ACP4: variants seen among roughly 807,000 people sequenced by gnomAD.
ACP4 encodes acid phosphatase 4, also known as testicular acid phosphatase.
A neutral mutation model predicts 47.3 loss-of-function variants in ACP4; 49 were observed. The observed-to-expected ratio is 1.04, with a 90% CI of 0.82 to 1.32. The LOEUF (loss-of-function observed/expected upper bound fraction) is 1.32, where lower values mean the gene tolerates loss of function less well. Ranked by LOEUF, ACP4 falls within the 40% of genes most tolerant of loss-of-function variation. The pLI is 0.00. For missense variants in ACP4, 594 were observed against 579.3 expected, an observed-to-expected ratio of 1.03 and a Z score of -0.26; for synonymous variants, 299 against 265.3, an observed-to-expected ratio of 1.13 and a Z score of -1.23.
Position 50,794,892 on chromosome 19 carries a change from C to T in ACP4, c.1093C>T (p.Leu365=), listed in dbSNP as rs759201067. Residue 365 remains leucine (L), a synonymous_variant, in exon 10 of 11, where the codon CTG becomes TTG. Coordinates refer to ENST00000270593, the MANE Select transcript of ACP4 (RefSeq NM_033068.3). ...APCPLGRFYQ[L]TAPARPPAHG... The stretch of plus-strand genomic sequence containing the variant: ...CTGTCCACTAGGCCGCTTCTACCAG[C>T]TGACTGCCCCGGCCCGGCCTCCCGC... The T allele has an allele frequency of 5.0e-6, 8 of 1,613,650 alleles. No homozygotes were observed. Among genetic ancestry groups the T allele is most frequent in the Middle Eastern group, 1.6e-4 (1 of 6,080 alleles).
chr19:50,791,579 G>A, intron 3 of ACP4, 77 bp from the exon 4 acceptor site: 2 of 1,548,686 alleles, frequency 1.3e-6, no homozygotes, highest in Non-Finnish European at 1.8e-6. Context: ...TGAATCTGAG[G>A]CTTCTGATTT....
At chr19:50,792,954 A>C (rs1295904135) in intron 6 of ACP4, among the ~76,000 whole-genome samples, 1 of 151,586 alleles carries the variant, frequency 6.6e-6, no homozygotes, top group Non-Finnish European at 1.5e-5. Flanking sequence ...TACAGGCGTG[A>C]GCCACCATAC....
intron 6 of ACP4, chr19:50,792,937 C>G (rs1166641270): frequency 1.3e-5 from 2 of 152,698 alleles, no homozygotes; most frequent in Non-Finnish European, 2.9e-5. Flanking sequence ...TCCCCAAGAG[C>G]TGGGATTACA....
chr19:50,791,616 A>G (rs573210876), intron 3 of ACP4, 40 bp from the exon 4 acceptor site: 39 of 1,588,610 alleles, frequency 2.5e-5, no homozygotes, highest in Non-Finnish European at 3.3e-5. Flanking sequence ...TCTGTCCCCA[A>G]CCACGACCCC....
rs775474794 is a variant in ACP4 at position 50,795,148 on chromosome 19, G to A, written c.1271G>A (p.Gly424Asp). The A allele has an allele frequency of 4.5e-6, 7 of 1,544,824 alleles. No individual in the cohort carries two copies. The highest frequency in any genetic ancestry group is 1.4e-5 in the African/African-American group (1 of 73,174). ...WRPGCLRALG[G>D]PV is the part of the protein sequence containing the mutation. ...CCAGGGTGCCTGCGGGCCTTGGGGG[G>A]CCCCGTGTGAGCCAGAAACCAGGGC... Residue 424 changes from glycine (G) to aspartate (D), a missense_variant, in exon 11 of 11, where the codon GGC becomes GAC. By Grantham distance (94) the Gly-to-Asp change is moderately conservative (BLOSUM62 -1). Coordinates refer to ENST00000270593, the MANE Select transcript of ACP4 (RefSeq NM_033068.3).
At position 50,792,135 on chromosome 19, in the gene ACP4, GGCC is replaced by G. The variant is rs775106229; in HGVS notation, c.518_520del (p.Ala173del). 9.3e-6 allele frequency: 15 copies of G among 1,608,616 alleles called. No individual in the cohort carries two copies. The highest frequency in any genetic ancestry group is 1.3e-5 in the African/African-American group (1 of 74,884). On this transcript the variant is annotated inframe_deletion, in exon 5 of 11. Coordinates refer to ENST00000270593, the MANE Select transcript of ACP4 (RefSeq NM_033068.3). ...ACGAGCTGCTGCGGGAGGCCACCGA[GGCC>G]GCCGAGTACCAGGAGGCCCTGGAGG...
Position 50,793,936 on chromosome 19 carries a change from TG to T in ACP4, c.831del (p.Leu278CysfsTer82). On this transcript the variant is annotated frameshift_variant, in exon 8 of 11. Transcript: ENST00000270593. LOFTEE classifies it high-confidence loss of function. ...ILANFSRVQR[L>X]GLPLKMVMYS... ...GCAAACTTCTCCCGGGTCCAGCGCC[TG>T]GGGCTGCCCCTCAAGATGGTCATGT... 1 of 1,614,114 alleles carries T rather than the reference TG, an allele frequency of 6.2e-7. No homozygotes were observed. Among genetic ancestry groups the T allele is most frequent in the Non-Finnish European group, 8.5e-7 (1 of 1,180,034 alleles).
chr19:50,793,997 T>A lies in ACP4; in HGVS notation c.861+27T>A, dbSNP rs754041690. 1.1e-5 allele frequency: 18 copies of A among 1,612,418 alleles called. No individual in the cohort carries two copies. The South Asian group carries it at 2.0e-4, about 18-fold the overall frequency. ...TGAGTCCTTGGGAAGCAGTGCCACA[T>A]GGCACTGAGGCACAGGGATGAGGGT... On this transcript the variant is annotated intron_variant, in intron 8 of 10. Coordinates refer to ENST00000270593, the MANE Select transcript of ACP4 (RefSeq NM_033068.3).
intron 1 of ACP4, 26 bp from the exon 2 acceptor site, chr19:50,790,568 C>G (rs1340263385): frequency 6.5e-7 from 1 of 1,544,228 alleles, no homozygotes; most frequent in African/African-American, 1.4e-5. Flanking sequence ...TCCCCCAGGG[C>G]TAGCCCTGAC....
intron 6 of ACP4, 21 bp from the exon 7 acceptor site, chr19:50,793,663 A>T: frequency 6.2e-7 from 1 of 1,610,978 alleles, no homozygotes. Flanking sequence ...AGGATGGTCC[A>T]TCTGTCCTGT....
intron 7 of ACP4, 27 bp downstream of exon 7, chr19:50,793,843 G>A: frequency 1.9e-6 from 3 of 1,614,108 alleles, no homozygotes; most frequent in Non-Finnish European, 2.5e-6. Context: ...GGAGGCTGGG[G>A]TGCCTTCCTC....
intron 4 of ACP4, 25 bp from the exon 5 acceptor site, chr19:50,792,048 C>T (rs1158470735): frequency 1.3e-6 from 2 of 1,552,926 alleles, no homozygotes; most frequent in Non-Finnish European, 8.7e-7. Flanking sequence ...CACGGCTGTC[C>T]TCTCTGAGAC....
In ACP4 at chr19:50,794,896, C is replaced by G. The variant is rs764570976; in HGVS notation, c.1097C>G (p.Thr366Ser). The G allele has an allele frequency of 6.2e-7, 1 of 1,613,684 alleles. No homozygotes were observed. Among genetic ancestry groups the G allele is most frequent in the Non-Finnish European group, 8.5e-7 (1 of 1,179,954 alleles). Residue 366 changes from threonine (T) to serine (S), a missense_variant, in exon 10 of 11, where the codon ACT becomes AGT. Coordinates refer to ENST00000270593, the MANE Select transcript of ACP4 (RefSeq NM_033068.3). ...PCPLGRFYQL[T>S]APARPPAHGV... is the part of the protein sequence containing the mutation. Reference sequence around the variant, plus strand: ...CCACTAGGCCGCTTCTACCAGCTGACTGCCCCGGCCCGGCCTCCCGCCCAT... The same window carrying G: ...CCACTAGGCCGCTTCTACCAGCTGAGTGCCCCGGCCCGGCCTCCCGCCCAT...
chr19:50,791,626 C>A (rs1287604907), intron 3 of ACP4, 30 bp from the exon 4 acceptor site: 2 of 1,593,938 alleles, frequency 1.3e-6, no homozygotes, highest in Admixed American at 3.3e-5. Context: ...ACCACGACCC[C>A]CCGCGTGCCC....
rs1401494906 is a variant in ACP4 at position 50,790,542 on chromosome 19, C to G, written c.111+17C>G. On this transcript the variant is annotated intron_variant, in intron 1 of 10. Transcript: ENST00000270593. ...GTGGCTCTGGTGAGGCGCCCCCACCCCGGCCTGCCCTTAGCTCCCCCAGGG... is the reference window on the plus strand; with the variant it reads ...GTGGCTCTGGTGAGGCGCCCCCACCGCGGCCTGCCCTTAGCTCCCCCAGGG... 1 of 1,541,056 alleles carries G rather than the reference C, an allele frequency of 6.5e-7. No homozygotes were observed. The highest frequency in any genetic ancestry group is 8.8e-7 in the Non-Finnish European group (1 of 1,141,816).
rs201115271 is a variant in ACP4 at position 50,792,142 on chromosome 19, G to C, written c.520G>C (p.Glu174Gln). The C allele has an allele frequency of 6.2e-7, 1 of 1,609,482 alleles. No individual in the cohort carries two copies. Among genetic ancestry groups the C allele is most frequent in the South Asian group, 1.1e-5 (1 of 90,832 alleles). ...ELLREATEAA[E>Q]YQEALEGWTG... is the part of the protein sequence containing the mutation. ...GCTGCGGGAGGCCACCGAGGCCGCCGAGTACCAGGAGGCCCTGGAGGGCTG... is the reference window on the plus strand; with the variant it reads ...GCTGCGGGAGGCCACCGAGGCCGCCCAGTACCAGGAGGCCCTGGAGGGCTG... The change falls in exon 5 of 11, where the codon GAG becomes CAG. Residue 174 changes from glutamate (E) to glutamine (Q), a missense_variant. Transcript: ENST00000270593.
rs760149542 is a variant in ACP4 at position 50,791,731 on chromosome 19, G to A, written c.379G>A (p.Ala127Thr). The A allele has an allele frequency of 1.2e-6, 2 of 1,613,102 alleles. No homozygotes were observed. Among genetic ancestry groups the A allele is most frequent in the South Asian group, 1.1e-5 (1 of 91,076 alleles). Residue 127 changes from alanine to threonine, a missense_variant, in exon 4 of 11, where the codon GCT (alanine) becomes ACT (threonine). Coordinates refer to ENST00000270593, the MANE Select transcript of ACP4 (RefSeq NM_033068.3). ...QANLAGLFPE[A>T]APGSPEARWR... ...CAACCTTGCCGGGCTGTTTCCCGAG[G>A]CTGCTCCAGGGAGCCCCGAGGCCCG...
intron 3 of ACP4, 90 bp from the exon 4 acceptor site, chr19:50,791,566 A>T: frequency 6.6e-7 from 1 of 1,525,646 alleles, no homozygotes; most frequent in Admixed American, 1.8e-5. Flanking sequence ...CCCTACTCCA[A>T]AGTGAATCTG....
chr19:50,795,216 A>C lies in ACP4; in HGVS notation c.*58A>C, dbSNP rs998527620. 1 of 1,423,502 alleles carries C rather than the reference A, an allele frequency of 7.0e-7. No individual in the cohort carries two copies. Among genetic ancestry groups the C allele is most frequent in the African/African-American group, 1.4e-5 (1 of 70,498 alleles). The allele number at this position is 1,423,502 out of a possible 1,614,324, so 88.2% of individuals were successfully genotyped here. A position where few individuals can be genotyped will look rare whatever the true frequency, so the allele number is the denominator to read the frequency against. ...ACACTGGACCCCAACATGTATGCTC[A>C]GTAGCTGCTCTGGCTTCTGTGACTT... On this transcript the variant is annotated 3_prime_UTR_variant, in exon 11 of 11. Transcript: ENST00000270593.
Sources: allele counts gnomAD v4.1 joint callset (sites outside exome capture counted in the v4.1 genomes callset), GRCh38; gene constraint gnomAD v4.1.1; transcripts MANE v1.5; gene names NCBI Gene and HGNC (gene_info 2026-07-23, HGNC 2026-07-21).